The following NCKAP5 variants were observed in gnomAD, a reference collection of about 807,000 sequenced individuals.
The protein encoded by NCKAP5 is nck-associated protein 5.
In NCKAP5, 92 loss-of-function variants were observed where a neutral mutation model predicts 167.0. That is an observed-to-expected ratio of 0.55 (90% confidence interval 0.47 to 0.66). NCKAP5 has a LOEUF of 0.66. Ranked by LOEUF, NCKAP5 falls within the 30% of genes least tolerant of loss-of-function variation. NCKAP5 has a pLI of 0.00. For missense variants in NCKAP5, 2,378 were observed against 2,315.0 expected (o/e 1.03, Z -0.56); for synonymous variants, 891 against 877.4 (o/e 1.02, Z -0.27).
rs1241410758 is a variant in NCKAP5, at chr2:133,345,168, A to G, written c.70-42058T>C. 2.0e-5 allele frequency among the ~76,000 whole-genome samples: 3 copies of G among 151,700 alleles called. No homozygotes were observed. In the East Asian group the frequency reaches 5.8e-4, roughly 29 times the overall value. ...AGGTACAGCCTTTAAAAGATAACCC[A>G]TTTTCACCACCCGGGAAATGAGGAG... On this transcript the variant is annotated intron_variant, in intron 3 of 19. Transcript: ENST00000409261.
At chr2:132,703,836 A>G (rs1427881833) in intron 19 of NCKAP5, among the ~76,000 whole-genome samples, 1 of 152,228 alleles carries the variant, frequency 6.6e-6, no homozygotes. Context: ...TTATTTATAC[A>G]TATTTCATAA....
intron 13 of NCKAP5, among the ~76,000 whole-genome samples, chr2:132,789,453 A>T (rs1385442913): frequency 6.6e-6 from 1 of 152,228 alleles, no homozygotes; most frequent in African/African-American, 2.4e-5. Context: ...CTACTCCCTC[A>T]TCAATATCTC....
chr2:133,011,493 C>CTAGGACTTAA (rs1392072289), intron 6 of NCKAP5, among the ~76,000 whole-genome samples: 6 of 152,186 alleles, frequency 3.9e-5, no homozygotes, highest in Non-Finnish European at 7.3e-5. Context: ...ACACGGTCCC[C>CTAGGACTTAA]TAGGACTTAA....
At chr2:132,851,844 C>T (rs1005272509) in intron 11 of NCKAP5, among the ~76,000 whole-genome samples, 2 of 152,162 alleles carry the variant, frequency 1.3e-5, no homozygotes, top group South Asian at 2.1e-4. Flanking sequence ...GACCAGTGCA[C>T]CCTCGTGGTA....
intron 5 of NCKAP5, among the ~76,000 whole-genome samples, chr2:133,209,914 T>C (rs2086130046): frequency 1.3e-5 from 2 of 152,058 alleles, no homozygotes; most frequent in South Asian, 4.1e-4. Flanking sequence ...ATGCCTGTAA[T>C]CCCAGCACTT....
the NCKAP5 span, among the ~76,000 whole-genome samples, chr2:133,656,970 T>A: frequency 6.6e-6 from 1 of 151,998 alleles, no homozygotes; most frequent in African/African-American, 2.4e-5. Flanking sequence ...ATCATTCTTA[T>A]GTGTTTGCAT....
At chr2:133,351,135 AT>A (rs1330751716) in intron 3 of NCKAP5, among the ~76,000 whole-genome samples, 1 of 152,134 alleles carries the variant, frequency 6.6e-6, no homozygotes, top group African/African-American at 2.4e-5. Flanking sequence ...CTGGTGGACA[AT>A]TACTTTATAG....
At chr2:133,648,592 A>G in the NCKAP5 span, among the ~76,000 whole-genome samples, 16 of 152,096 alleles carry the variant, frequency 1.1e-4, no homozygotes, top group African/African-American at 3.9e-4. Context: ...CTACAAATCA[A>G]CAGAAGAAAA....
At chr2:133,421,474 G>A (rs1166243061) in intron 3 of NCKAP5, among the ~76,000 whole-genome samples, 5 of 152,204 alleles carry the variant, frequency 3.3e-5, no homozygotes, top group Non-Finnish European at 1.5e-5. Flanking sequence ...TCATTAGGGA[G>A]CATGGATAAG....
At chr2:133,189,767 C>T (rs997490802) in intron 5 of NCKAP5, among the ~76,000 whole-genome samples, 11 of 151,812 alleles carry the variant, frequency 7.2e-5, no homozygotes, top group African/African-American at 2.7e-4. Context: ...ATTGATGGGA[C>T]GTACCTCAAA....
At chr2:133,181,850 A>T (rs1369468794) in intron 5 of NCKAP5, among the ~76,000 whole-genome samples, 4 of 152,152 alleles carry the variant, frequency 2.6e-5, no homozygotes, top group African/African-American at 9.7e-5. Context: ...TGACAGACAC[A>T]AGTAAGTGCT....
upstream of NCKAP5, among the ~76,000 whole-genome samples, chr2:133,568,742 G>C (rs758208112): frequency 2.6e-5 from 4 of 152,142 alleles, no homozygotes. Flanking sequence ...GAGACCTGGA[G>C]GAAAAGTTTG....
chr2:132,915,025 T>C (rs1045622732), intron 8 of NCKAP5, among the ~76,000 whole-genome samples: 21 of 151,658 alleles, frequency 1.4e-4, no homozygotes, highest in African/African-American at 4.8e-4. Context: ...GCATACCTTC[T>C]ATTTCAGCAA....
intron 8 of NCKAP5, among the ~76,000 whole-genome samples, chr2:132,892,489 G>C (rs1369102330): frequency 6.6e-6 from 1 of 152,178 alleles, no homozygotes; most frequent in Admixed American, 6.5e-5. Context: ...GGGTGGACTA[G>C]AGTGGATTTT....
At chr2:133,041,306 T>C (rs939167946) in intron 6 of NCKAP5, among the ~76,000 whole-genome samples, 1 of 152,142 alleles carries the variant, frequency 6.6e-6, no homozygotes, top group Non-Finnish European at 1.5e-5. Context: ...AAAATAAGCA[T>C]GTCTTCTCTC....
chr2:133,056,430 T>C (rs765410485), intron 6 of NCKAP5, among the ~76,000 whole-genome samples: 7 of 152,160 alleles, frequency 4.6e-5, no homozygotes, highest in Admixed American at 1.3e-4. Flanking sequence ...TACTAATAAA[T>C]TGTAAAATTT....
the NCKAP5 span, among the ~76,000 whole-genome samples, chr2:133,607,603 T>C: frequency 6.6e-6 from 1 of 152,204 alleles, no homozygotes; most frequent in South Asian, 2.1e-4. Flanking sequence ...CTGTGAATAA[T>C]AGATACTATA....
At chr2:133,212,619 CG>C (rs2086258630) in intron 5 of NCKAP5, among the ~76,000 whole-genome samples, 1 of 152,184 alleles carries the variant, frequency 6.6e-6, no homozygotes, top group Non-Finnish European at 1.5e-5. Context: ...CTGCCCACCT[CG>C]GCCTCCCAAA....
the NCKAP5 span, among the ~76,000 whole-genome samples, chr2:133,643,300 A>T: frequency 0.095 from 14,450 of 152,272 alleles, 789 homozygotes; most frequent in African/African-American, 0.12. Context: ...TCAGTAGGAA[A>T]GTGCCATGAA....
Sources: allele counts gnomAD v4.1 joint callset (sites outside exome capture counted in the v4.1 genomes callset), GRCh38; gene constraint gnomAD v4.1.1; transcripts MANE v1.5; gene names NCBI Gene and HGNC (gene_info 2026-07-23, HGNC 2026-07-21).